TRAK1: variants seen among roughly 807,000 people sequenced by gnomAD.
TRAK1 encodes the protein trafficking kinesin-binding protein 1.
Under a neutral mutation model 92.1 loss-of-function variants are expected in TRAK1, and 33 were observed. That is an observed-to-expected ratio of 0.36 (90% CI 0.27 to 0.48). The LOEUF is 0.48. Ranked by LOEUF, TRAK1 falls within the 20% of genes least tolerant of loss-of-function variation. The pLI, the probability that TRAK1 is intolerant of heterozygous loss-of-function variation, is 0.99. For missense variants in TRAK1, 1,123 were observed against 1,257.9 expected, an observed-to-expected ratio of 0.89 and a Z score of 1.62; for synonymous variants, 521 against 517.3, an observed-to-expected ratio of 1.01 and a Z score of -0.10.
At chr3:42,210,330 G>A (rs1417282001) in intron 14 of TRAK1, 52 of 1,488,946 alleles carry the variant, frequency 3.5e-5, no homozygotes, top group Non-Finnish European at 4.3e-5. Context: ...GTAACAATGG[G>A]TGTAGCTCCC....
At chr3:42,127,104 A>G (rs985260111) in intron 2 of TRAK1, among the ~76,000 whole-genome samples, 3 of 152,178 alleles carry the variant, frequency 2.0e-5, no homozygotes, top group Non-Finnish European at 4.4e-5. Context: ...CACCAAGGAG[A>G]TATGTGGTAT....
chr3:42,141,841 A>G (rs900773288), intron 2 of TRAK1, among the ~76,000 whole-genome samples: 6 of 152,076 alleles, frequency 3.9e-5, no homozygotes, highest in Non-Finnish European at 8.8e-5. Flanking sequence ...TTTTAACTGA[A>G]TTACACCAGC....
intron 2 of TRAK1, among the ~76,000 whole-genome samples, chr3:42,159,626 G>A (rs1218020168): frequency 6.6e-6 from 1 of 152,100 alleles, no homozygotes; most frequent in Non-Finnish European, 1.5e-5. Context: ...GGTAAGAGCA[G>A]GATTTTATGA....
chr3:42,125,990 A>G (rs1710511123), intron 2 of TRAK1, among the ~76,000 whole-genome samples: 1 of 152,016 alleles, frequency 6.6e-6, no homozygotes, highest in South Asian at 2.1e-4. Context: ...AGCTGGGGCT[A>G]CAGGCGCGCA....
chr3:42,218,545 T>C (rs1709975952), intron 14 of TRAK1: 12 of 984,832 alleles, frequency 1.2e-5, no homozygotes, highest in Non-Finnish European at 1.2e-5. Flanking sequence ...TTTTTCCTGA[T>C]GCTTGAGTTA....
Position 42,048,250 on chromosome 3 carries a change from C to T in TRAK1, c.-519+34133C>T, listed in dbSNP as rs149822678. On this transcript the variant is annotated intron_variant, in intron 1 of 16. Coordinates refer to the TRAK1 transcript ENST00000487159. ...GCCGTTGAACCTGTAGAGTTTACCA[C>T]GGGTCTGAAATAACTTTACTTTTGT... is the stretch of plus-strand genomic sequence containing the variant. Among the ~76,000 whole-genome samples the T allele has an allele frequency of 5.3e-5, 8 of 152,174 alleles. No homozygotes were observed. In the East Asian group the frequency reaches 1.4e-3, roughly 26 times the overall value.
intron 1 of TRAK1, among the ~76,000 whole-genome samples, chr3:42,058,975 C>T (rs1703314406): frequency 6.6e-6 from 1 of 151,984 alleles, no homozygotes; most frequent in African/African-American, 2.4e-5. Flanking sequence ...AGATAAAGTG[C>T]TAATTTACTG....
chr3:42,027,305 C>T (rs549329731), intron 1 of TRAK1, among the ~76,000 whole-genome samples: 25 of 152,210 alleles, frequency 1.6e-4, no homozygotes, highest in Admixed American at 5.9e-4. Flanking sequence ...GGGCGGATCA[C>T]GAGGTCAGGA....
At chr3:42,045,410 C>CT (rs1321780247) in intron 1 of TRAK1, among the ~76,000 whole-genome samples, 2 of 152,166 alleles carry the variant, frequency 1.3e-5, no homozygotes, top group Non-Finnish European at 2.9e-5. Context: ...TGGCGCGTGC[C>CT]TGTAATCCCA....
intron 1 of TRAK1, among the ~76,000 whole-genome samples, chr3:42,017,763 G>A (rs1376828414): frequency 1.3e-5 from 2 of 152,164 alleles, no homozygotes; most frequent in African/African-American, 2.4e-5. Context: ...TGTTAATAGT[G>A]CACCTGAGGT....
chr3:42,174,297 A>C (rs768702815), intron 2 of TRAK1, among the ~76,000 whole-genome samples: 45 of 152,228 alleles, frequency 3.0e-4, no homozygotes, highest in Non-Finnish European at 4.0e-4. Flanking sequence ...TAAGTGGTAG[A>C]TACATGAACC....
intron 1 of TRAK1, among the ~76,000 whole-genome samples, chr3:42,017,474 T>G (rs2148876080): frequency 6.6e-6 from 1 of 152,320 alleles, no homozygotes; most frequent in South Asian, 2.1e-4. Context: ...AATGAATGGG[T>G]CTTCTGGCTT....
intron 1 of TRAK1, among the ~76,000 whole-genome samples, chr3:42,080,629 T>C (rs1369624193): frequency 6.6e-6 from 1 of 152,194 alleles, no homozygotes; most frequent in African/African-American, 2.4e-5. Context: ...GGATGCTTTG[T>C]TCCTGAGCCC....
At chr3:42,085,753 A>C (rs945545100), upstream of TRAK1, among the ~76,000 whole-genome samples, 5 of 152,236 alleles carry the variant, frequency 3.3e-5, no homozygotes, top group Admixed American at 6.5e-5. Flanking sequence ...AGGACGCCTC[A>C]AAGTTATTGA....
intron 1 of TRAK1, among the ~76,000 whole-genome samples, chr3:42,106,123 A>G (rs1707528126): frequency 6.6e-6 from 1 of 152,226 alleles, no homozygotes; most frequent in Non-Finnish European, 1.5e-5. Flanking sequence ...AACGAGCAAA[A>G]TAACCAGCTA....
At chr3:42,207,827 A>G (rs1466436296) in intron 13 of TRAK1, among the ~76,000 whole-genome samples, 1 of 152,176 alleles carries the variant, frequency 6.6e-6, no homozygotes, top group Non-Finnish European at 1.5e-5. Flanking sequence ...GAAACATCTG[A>G]GAGTTAAGAA....
intron 8 of TRAK1, among the ~76,000 whole-genome samples, chr3:42,193,618 G>C (rs1052237359): frequency 1.3e-5 from 2 of 152,134 alleles, no homozygotes; most frequent in African/African-American, 4.8e-5. Flanking sequence ...TTTGGAAGAT[G>C]GGGGTGGGGC....
At chr3:42,219,964 C>T (rs1458658090) in intron 15 of TRAK1, among the ~76,000 whole-genome samples, 4 of 151,676 alleles carry the variant, frequency 2.6e-5, no homozygotes, top group Non-Finnish European at 4.4e-5. Flanking sequence ...AGACCTGGAC[C>T]GACCCACCTT....
At chr3:42,160,561 TTG>T (rs1701158144) in intron 2 of TRAK1, 4 of 1,361,678 alleles carry the variant, frequency 2.9e-6, no homozygotes, top group South Asian at 2.9e-5. Flanking sequence ...TAGCACTGTT[TTG>T]TTTTTGTTTT....
Sources: gnomAD v4.1 joint callset for allele counts (sites outside exome capture counted in the v4.1 genomes callset) on GRCh38, gnomAD v4.1.1 for gene constraint, MANE v1.5 for transcripts, NCBI Gene and HGNC (gene_info 2026-07-23, HGNC 2026-07-21) for gene names.